MYH15: variants seen among roughly 807,000 people sequenced by gnomAD.
MYH15 encodes the protein myosin-15.
A neutral mutation model predicts 240.5 loss-of-function variants in MYH15; 227 were observed. The ratio of observed to expected loss-of-function variants is 0.94; its 90% confidence interval spans 0.85 to 1.05. The LOEUF is 1.05. MYH15 is among the 50% of genes least tolerant of loss of function. The pLI, the probability that MYH15 is intolerant of heterozygous loss-of-function variation, is 0.00. For missense variants in MYH15, 2,217 were observed against 2,247.5 expected (o/e 0.99, Z 0.27); for synonymous variants, 785 against 796.7 (o/e 0.99, Z 0.25).
Position 108,414,360 on chromosome 3 carries a change from A to G in MYH15, c.4017T>C (p.Tyr1339=). ...CAGCCTTGACCTCTTGTTCTTCCTC[A>G]TACTGCTCTCGTAGAAGGTCACAGT... is the stretch of plus-strand genomic sequence containing the variant. ...QRDCDLLREQ[Y]EEEQEVKAEL... The change falls in exon 30 of 41, where the codon TAT becomes TAC. Residue 1339 remains tyrosine (Y), a synonymous_variant. Coordinates refer to ENST00000693548, the MANE Select transcript of MYH15 (RefSeq NM_014981.3). 1 of 1,614,154 alleles carries G rather than the reference A, an allele frequency of 6.2e-7. No homozygotes were observed. The highest frequency in any genetic ancestry group is 8.5e-7 in the Non-Finnish European group (1 of 1,180,038).
intron 30 of MYH15, among the ~76,000 whole-genome samples, chr3:108,413,711 G>T (rs955830474): frequency 7.2e-5 from 11 of 152,152 alleles, no homozygotes; most frequent in Non-Finnish European, 1.2e-4. Context: ...GTGGCCTGGG[G>T]ATGATTTCTT....
intron 10 of MYH15, 83 bp downstream of exon 10, chr3:108,486,340 C>A: frequency 2.7e-6 from 3 of 1,123,718 alleles, no homozygotes; most frequent in Non-Finnish European, 3.9e-6. Context: ...TTCTCTGGGT[C>A]CCTAAGAACA....
chr3:108,529,911 A>G (rs1347455847), upstream of MYH15, among the ~76,000 whole-genome samples: 1 of 152,218 alleles, frequency 6.6e-6, no homozygotes, highest in African/African-American at 2.4e-5. Context: ...AGTACTGGAT[A>G]GGAGAGAGCT....
chr3:108,470,783 G>A lies in MYH15; in HGVS notation c.1298C>T (p.Ala433Val), dbSNP rs566515743. 3 of 1,613,786 alleles carry A rather than the reference G, an allele frequency of 1.9e-6. No individual in the cohort carries two copies. Among genetic ancestry groups the A allele is most frequent in the Middle Eastern group, 1.7e-4 (1 of 6,060 alleles). Residue 433 changes from alanine (A) to valine (V), a missense_variant, in exon 13 of 41, where the codon GCA becomes GTA. Coordinates refer to ENST00000693548, the MANE Select transcript of MYH15 (RefSeq NM_014981.3). ...MYERMFKWLVARINRALDAKL... is the reference protein window; with the variant it reads ...MYERMFKWLVVRINRALDAKL... ...GGCATCCAGGGCCCTGTTGATCCGT[G>A]CCACTAGCCACTTAAACATCCTTTC...
upstream of MYH15, among the ~76,000 whole-genome samples, chr3:108,529,992 G>A (rs1026484782): frequency 5.3e-5 from 8 of 152,164 alleles, no homozygotes; most frequent in Non-Finnish European, 1.2e-4. Context: ...ATCTGTGCAT[G>A]TGTATGAGGA....
At chr3:108,489,524 G>A (rs978314143) in intron 9 of MYH15, among the ~76,000 whole-genome samples, 2 of 152,148 alleles carry the variant, frequency 1.3e-5, no homozygotes, top group Non-Finnish European at 2.9e-5. Context: ...TGGAACAAGG[G>A]TCAGATATAA....
chr3:108,391,824 A>C lies in MYH15; in HGVS notation c.5366T>G (p.Leu1789Arg). ...EQTITDLQKR[L>R]AEAEQMALMG... is the part of the protein sequence containing the mutation. ...CAGGGCCATCTGTTCAGCTTCAGCC[A>C]GCCTTTTCTGTAAGTCTGTAATTGT... The change falls in exon 37 of 41, where the codon CTG (leucine) becomes CGG (arginine). Residue 1789 changes from leucine (L) to arginine (R), a missense_variant. Coordinates refer to ENST00000693548, the MANE Select transcript of MYH15 (RefSeq NM_014981.3). 1 of 1,614,126 alleles carries C rather than the reference A, an allele frequency of 6.2e-7. No individual in the cohort carries two copies. The highest frequency in any genetic ancestry group is 8.5e-7 in the Non-Finnish European group (1 of 1,179,996).
Position 108,529,129 on chromosome 3 carries a change from C to T in MYH15, c.-58+134G>A. ...GATCACTCAGAAATTACATCATAGCCTATTTTTATACTATCATGTAGTAAT... is the reference window on the plus strand; with the variant it reads ...GATCACTCAGAAATTACATCATAGCTTATTTTTATACTATCATGTAGTAAT... On this transcript the variant is annotated intron_variant, in intron 1 of 41. Coordinates refer to the MYH15 transcript ENST00000273353. The T allele has an allele frequency of 4.1e-6, 3 of 732,298 alleles. No individual in the cohort carries two copies. The African/African-American group carries it at 5.5e-5, about 14-fold the overall frequency. The allele number at this position is 732,298 out of a possible 1,614,324, so 45.4% of individuals were successfully genotyped here. A position where few individuals can be genotyped will look rare whatever the true frequency, so the allele number is the denominator to read the frequency against.
At chr3:108,415,221 T>G (rs1279517619) in intron 29 of MYH15, among the ~76,000 whole-genome samples, 1 of 152,110 alleles carries the variant, frequency 6.6e-6, no homozygotes, top group African/African-American at 2.4e-5. Context: ...GAAAGAACAC[T>G]AGATCCTGAC....
chr3:108,541,511 A>G, the MYH15 span, among the ~76,000 whole-genome samples: 1 of 152,082 alleles, frequency 6.6e-6, no homozygotes, highest in Non-Finnish European at 1.5e-5. Context: ...GAAATTGGAA[A>G]GGGATTAAAC....
chr3:108,412,073 T>TA (rs759527255), intron 30 of MYH15, among the ~76,000 whole-genome samples: 60 of 152,336 alleles, frequency 3.9e-4, no homozygotes, highest in Non-Finnish European at 7.2e-4. Flanking sequence ...TGCTTGTTGA[T>TA]AAAATAGGAG....
At position 108,444,669 on chromosome 3, in the gene MYH15, T is replaced by A; in HGVS notation, c.2626A>T (p.Lys876Ter). Reference protein sequence around the residue: ...KAKQVSLTQEKNDLILQLQAE... With the variant: ...KAKQVSLTQE Reference sequence around the variant, plus strand: ...TGAAGCTGAAGAATCAGGTCATTTTTTTCCTGAGTGAGGGATACTTGCTTT... The same window carrying A: ...TGAAGCTGAAGAATCAGGTCATTTTATTCCTGAGTGAGGGATACTTGCTTT... Residue 876 changes from lysine (K) to a stop codon, truncating the protein, a stop_gained, in exon 22 of 41, where the codon AAA becomes TAA. Transcript: ENST00000693548. LOFTEE classifies it high-confidence loss of function. The A allele has an allele frequency of 6.2e-7, 1 of 1,614,066 alleles. No homozygotes were observed. The highest frequency in any genetic ancestry group is 1.7e-5 in the Admixed American group (1 of 60,014).
rs115619814 is a variant in MYH15 at position 108,460,312 on chromosome 3, T to A, written c.1920A>T (p.Ala640=). The change falls in exon 17 of 41, where the codon GCA becomes GCT. Residue 640 remains alanine, a synonymous_variant. Coordinates refer to ENST00000693548, the MANE Select transcript of MYH15 (RefSeq NM_014981.3). ...AATTAAAAATTACTTTATGCAGAGA[T>A]GCAACCGTTTGGAATGAAGCTCCTT... ...RKKGASFQTV[A]SLHKENLNKL... is the part of the protein sequence containing the mutation. 1.2e-3 allele frequency: 1,846 copies of A among 1,601,268 alleles called. 5 individuals are homozygous for A. Among genetic ancestry groups the A allele is most frequent in the Admixed American group, 2.1e-3 (121 of 58,874 alleles).
intron 29 of MYH15, among the ~76,000 whole-genome samples, chr3:108,416,545 A>G (rs1356752137): frequency 6.6e-6 from 1 of 152,198 alleles, no homozygotes; most frequent in African/African-American, 2.4e-5. Flanking sequence ...AAATCCTGAA[A>G]GAGCCTTGCT....
At chr3:108,459,305 T>C in intron 18 of MYH15, 57 bp downstream of exon 18, 2 of 1,078,806 alleles carry the variant, frequency 1.9e-6, no homozygotes, top group Non-Finnish European at 2.7e-6. Context: ...AGATATTCAA[T>C]ATAGCTAATA....
the MYH15 span, among the ~76,000 whole-genome samples, chr3:108,548,799 A>G: frequency 6.6e-6 from 1 of 152,132 alleles, no homozygotes; most frequent in Non-Finnish European, 1.5e-5. Flanking sequence ...AGGTAGAAGT[A>G]GAAATTCAAA....
chr3:108,525,049 T>A (rs2083655990), intron 1 of MYH15, among the ~76,000 whole-genome samples: 1 of 152,114 alleles, frequency 6.6e-6, no homozygotes, highest in South Asian at 2.1e-4. Flanking sequence ...TACACCTAGT[T>A]GCAAAGGATG....
chr3:108,391,925 T>C lies in MYH15; in HGVS notation c.5265A>G (p.Ala1755=), dbSNP rs1284630439. The C allele has an allele frequency of 6.2e-7, 1 of 1,614,004 alleles. No homozygotes were observed. Among genetic ancestry groups the C allele is most frequent in the South Asian group, 1.1e-5 (1 of 91,062 alleles). ...EKAKKAAIEA[A]NLSEELKKKQ... ...TCTTCTTCAGTTCTTCTGACAAGTT[T>C]GCTGCCTAGGGGGTTAAAAAAAGGG... The change falls in exon 37 of 41, where the codon GCA becomes GCG. Residue 1755 remains alanine (A), a synonymous_variant. Coordinates refer to ENST00000693548, the MANE Select transcript of MYH15 (RefSeq NM_014981.3).
rs774937780 is a variant in MYH15, at chr3:108,460,413, C to A, written c.1865-46G>T. The stretch of plus-strand genomic sequence containing the variant: ...AAAAGATGAAAACATGTAAAAAGCT[C>A]ATTTTTATCACATTATCCTACCCCA... On this transcript the variant is annotated intron_variant, in intron 16 of 40. Coordinates refer to ENST00000693548, the MANE Select transcript of MYH15 (RefSeq NM_014981.3). 4.4e-5 allele frequency: 64 copies of A among 1,465,132 alleles called. No individual in the cohort carries two copies. The Middle Eastern group carries it at 1.2e-3, about 28-fold the overall frequency. The allele number at this position is 1,465,132 out of a possible 1,614,324, so 90.8% of individuals were successfully genotyped here.
Sources: allele counts gnomAD v4.1 joint callset (sites outside exome capture counted in the v4.1 genomes callset), GRCh38; gene constraint gnomAD v4.1.1; transcripts MANE v1.5; gene names NCBI Gene and HGNC (gene_info 2026-07-23, HGNC 2026-07-21).